The following AOPEP variants were observed in gnomAD, a reference collection of about 807,000 sequenced individuals.
AOPEP encodes aminopeptidase O (putative), also known as aminopeptidase O.
AOPEP carries 77 observed loss-of-function variants against 98.1 expected under a neutral mutation model. The ratio of observed to expected loss-of-function variants is 0.78; its 90% CI spans 0.65 to 0.95. The LOEUF (loss-of-function observed/expected upper bound fraction) is 0.95. Ranked by LOEUF, AOPEP falls within the 40% of genes least tolerant of loss-of-function variation. AOPEP has a pLI of 0.00. For synonymous variants in AOPEP, 346 were observed against 365.3 expected (o/e 0.95, Z 0.60); for missense variants, 1,024 against 1,024.7 (o/e 1.00, Z 0.01).
At chr9:94,791,061 A>G (rs1377644224) in intron 3 of AOPEP, among the ~76,000 whole-genome samples, 1 of 152,146 alleles carries the variant, frequency 6.6e-6, no homozygotes, top group Non-Finnish European at 1.5e-5. Flanking sequence ...ATAAAGTGAT[A>G]TCCCATAGCA....
intron 5 of AOPEP, among the ~76,000 whole-genome samples, chr9:94,809,134 T>A (rs1849918744): frequency 6.6e-6 from 1 of 152,182 alleles, no homozygotes; most frequent in African/African-American, 2.4e-5. Context: ...AAATCTAAAT[T>A]GGGAGTTTCT....
intron 5 of AOPEP, among the ~76,000 whole-genome samples, chr9:94,814,389 G>A (rs1054398125): frequency 6.6e-6 from 1 of 152,182 alleles, no homozygotes; most frequent in East Asian, 1.9e-4. Flanking sequence ...TTAATTTTTG[G>A]TTTTAGAAAT....
chr9:95,086,491 CGT>C, intron 16 of AOPEP, 189 bp from the exon 17 acceptor site: 1 of 985,374 alleles, frequency 1.0e-6, no homozygotes, highest in Non-Finnish European at 1.2e-6. Context: ...GTCATGGCCA[CGT>C]GTGAGCAGGC....
chr9:94,903,824 A>C (rs1211656018), intron 5 of AOPEP, among the ~76,000 whole-genome samples: 1 of 142,582 alleles, frequency 7.0e-6, no homozygotes, highest in African/African-American at 2.6e-5. Context: ...AACTCAGGAG[A>C]AGGAGGTTGC....
intron 5 of AOPEP, among the ~76,000 whole-genome samples, chr9:94,887,633 A>G (rs1190524399): frequency 6.6e-6 from 1 of 152,112 alleles, no homozygotes; most frequent in Non-Finnish European, 1.5e-5. Context: ...TTGGGAGGGC[A>G]GGTACCATGT....
intron 13 of AOPEP, among the ~76,000 whole-genome samples, chr9:95,050,492 T>G (rs2066248055): frequency 6.6e-6 from 1 of 152,198 alleles, no homozygotes; most frequent in African/African-American, 2.4e-5. Flanking sequence ...CTTGTAGACA[T>G]TAAATCATTC....
intron 1 of AOPEP, among the ~76,000 whole-genome samples, chr9:94,736,328 T>C (rs1337317227): frequency 6.6e-6 from 1 of 151,800 alleles, no homozygotes; most frequent in East Asian, 1.9e-4. Flanking sequence ...CATTTGATAT[T>C]GAAAAAAATC....
intron 3 of AOPEP, among the ~76,000 whole-genome samples, chr9:94,784,331 C>T (rs952592679): frequency 1.3e-5 from 2 of 152,192 alleles, no homozygotes; most frequent in East Asian, 1.9e-4. Context: ...AAATGACTAC[C>T]GTATCTTGAT....
intron 13 of AOPEP, among the ~76,000 whole-genome samples, chr9:95,016,676 G>A (rs1427496497): frequency 1.3e-5 from 2 of 151,454 alleles, no homozygotes; most frequent in African/African-American, 4.9e-5. Context: ...CCAATGGCAT[G>A]ATTATGGCTC....
downstream of AOPEP, among the ~76,000 whole-genome samples, chr9:95,088,507 CCTCTCT>C (rs59531935): frequency 1.1e-4 from 16 of 149,072 alleles, no homozygotes; most frequent in South Asian, 1.5e-3. Context: ...CTGTACCCGG[CCTCTCT>C]CTCTCTCTCT....
At chr9:95,117,827 G>A in the AOPEP span, among the ~76,000 whole-genome samples, 73 of 151,444 alleles carry the variant, frequency 4.8e-4, 2 homozygotes, top group Non-Finnish European at 3.7e-4. Flanking sequence ...GGGTTCAAGC[G>A]ATTCTCCTCC....
the AOPEP span, chr9:95,101,747 A>G: frequency 1.2e-6 from 2 of 1,613,944 alleles, no homozygotes; most frequent in Non-Finnish European, 1.7e-6. Context: ...CTCTCGGGCC[A>G]GTTTTTCTGA....
intron 13 of AOPEP, among the ~76,000 whole-genome samples, chr9:95,013,509 G>A (rs1251553644): frequency 6.6e-6 from 1 of 150,750 alleles, no homozygotes; most frequent in African/African-American, 2.4e-5. Context: ...TGGTTGGACT[G>A]TGTCTACAAT....
At chr9:95,137,877 C>T in the AOPEP span, among the ~76,000 whole-genome samples, 1 of 152,200 alleles carries the variant, frequency 6.6e-6, no homozygotes, top group Non-Finnish European at 1.5e-5. Flanking sequence ...GCCGGGCAGG[C>T]CCTGGATGGC....
chr9:94,773,643 C>A (rs1167524056), intron 3 of AOPEP, among the ~76,000 whole-genome samples: 2 of 152,128 alleles, frequency 1.3e-5, no homozygotes, highest in African/African-American at 2.4e-5. Context: ...AAGTTCTGAA[C>A]CAAAGGTGTA....
chr9:95,119,657 C>T, the AOPEP span, among the ~76,000 whole-genome samples: 1 of 151,984 alleles, frequency 6.6e-6, no homozygotes, highest in Non-Finnish European at 1.5e-5. Flanking sequence ...AGCCACCGTG[C>T]CTGGCCTGCT....
intron 11 of AOPEP, among the ~76,000 whole-genome samples, chr9:94,999,198 T>C (rs1398169812): frequency 6.6e-6 from 1 of 151,662 alleles, no homozygotes; most frequent in Non-Finnish European, 1.5e-5. Flanking sequence ...CTCTTCCCTG[T>C]CCAAAATGGA....
rs2059580197 is a variant in AOPEP, at chr9:94,972,196, G to C, written c.1916+4395G>C. On this transcript the variant is annotated intron_variant, in intron 10 of 16. Coordinates refer to ENST00000375315, the MANE Select transcript of AOPEP (RefSeq NM_001193329.3). The surrounding 1 kb of genome is among the most constrained non-coding windows in gnomAD (Gnocchi z 4.2). ...TGCCACAGAAAAGACTTGGTTGACT[G>C]GTTGTGAAAGTTGAGTCCGACCTTT... Among the ~76,000 whole-genome samples, 2 of 152,188 alleles carry C rather than the reference G, an allele frequency of 1.3e-5. No homozygotes were observed. Among genetic ancestry groups the C allele is most frequent in the Non-Finnish European group, 2.9e-5 (2 of 68,036 alleles).
chr9:94,917,290 T>G (rs901337233), intron 5 of AOPEP, among the ~76,000 whole-genome samples: 8 of 152,044 alleles, frequency 5.3e-5, no homozygotes, highest in Non-Finnish European at 1.0e-4. Context: ...GTGGTCTCTG[T>G]GTTTCCTAGA....
Sources: gnomAD v4.1 joint callset for allele counts (sites outside exome capture counted in the v4.1 genomes callset) on GRCh38, gnomAD v4.1.1 for gene constraint, Gnocchi (gnomAD v3.1) non-coding constraint, MANE v1.5 for transcripts, NCBI Gene and HGNC (gene_info 2026-07-23, HGNC 2026-07-21) for gene names.